The following MACROD2 variants were observed in gnomAD, a reference collection of about 807,000 sequenced individuals.
The protein encoded by MACROD2 is ADP-ribose glycohydrolase MACROD2.
MACROD2 carries 36 observed loss-of-function variants against 70.4 expected under a neutral mutation model. That is an observed-to-expected ratio of 0.51 (90% confidence interval 0.39 to 0.68). MACROD2 has a LOEUF of 0.68. Ranked by LOEUF, MACROD2 falls within the 30% of genes least tolerant of loss-of-function variation. The pLI, the probability that MACROD2 is intolerant of heterozygous loss-of-function variation, is 0.00. For missense variants in MACROD2, 496 were observed against 538.4 expected (o/e 0.92, Z 0.78); for synonymous variants, 172 against 178.8 (o/e 0.96, Z 0.30).
chr20:14,495,042 C>T (rs897964096), intron 4 of MACROD2, among the ~76,000 whole-genome samples: 5 of 152,030 alleles, frequency 3.3e-5, no homozygotes, highest in Admixed American at 1.3e-4. Context: ...ATTAGGTAGA[C>T]GATTCAGTTA....
intron 3 of MACROD2, among the ~76,000 whole-genome samples, chr20:14,126,234 C>T (rs1387932822): frequency 1.3e-5 from 2 of 152,196 alleles, no homozygotes; most frequent in Non-Finnish European, 2.9e-5. Flanking sequence ...TGGCTGCCCT[C>T]TTGCTATGGC....
chr20:15,842,734 A>ATAGATAGG (rs1555786017), intron 8 of MACROD2, among the ~76,000 whole-genome samples: 1 of 36,372 alleles, frequency 2.7e-5, no homozygotes, highest in Non-Finnish European at 4.7e-5. Flanking sequence ...AGATAGATAG[A>ATAGATAGG]TAGATAGATA....
chr20:14,378,568 A>G (rs1379047377), intron 3 of MACROD2, among the ~76,000 whole-genome samples: 1 of 152,210 alleles, frequency 6.6e-6, no homozygotes, highest in Non-Finnish European at 1.5e-5. Flanking sequence ...GCACTCTCTG[A>G]TTAACCTGTG....
chr20:14,963,522 G>GA (rs1281141912), intron 5 of MACROD2, among the ~76,000 whole-genome samples: 1 of 152,150 alleles, frequency 6.6e-6, no homozygotes, highest in Non-Finnish European at 1.5e-5. Context: ...GTATTGACAT[G>GA]AAAAATGCCA....
chr20:14,451,730 A>T (rs2084247730), intron 3 of MACROD2, among the ~76,000 whole-genome samples: 1 of 152,152 alleles, frequency 6.6e-6, no homozygotes, highest in Non-Finnish European at 1.5e-5. Context: ...AGGCACTGGC[A>T]GTTGGAAGCA....
chr20:14,728,164 G>A (rs893571787), intron 5 of MACROD2, among the ~76,000 whole-genome samples: 9 of 151,952 alleles, frequency 5.9e-5, no homozygotes, highest in Non-Finnish European at 1.3e-4. Flanking sequence ...ATTTCAGATC[G>A]GAAGAAAATG....
chr20:14,864,721 A>ATAAC (rs1448347873), intron 5 of MACROD2, among the ~76,000 whole-genome samples: 1 of 152,082 alleles, frequency 6.6e-6, no homozygotes, highest in Non-Finnish European at 1.5e-5. Context: ...AAGATAACTG[A>ATAAC]GAAAGCAGTG....
chr20:15,807,521 T>G (rs1389418549), intron 8 of MACROD2, among the ~76,000 whole-genome samples: 1 of 152,178 alleles, frequency 6.6e-6, no homozygotes, highest in Non-Finnish European at 1.5e-5. Flanking sequence ...AAGCCACGTT[T>G]GTCCATTGAG....
intron 3 of MACROD2, among the ~76,000 whole-genome samples, chr20:14,411,384 T>G (rs1360951153): frequency 6.6e-6 from 1 of 152,102 alleles, no homozygotes; most frequent in African/African-American, 2.4e-5. Context: ...CTGAATTCCC[T>G]TAATGTTTTC....
chr20:14,853,725 T>A (rs973544217), intron 5 of MACROD2, among the ~76,000 whole-genome samples: 3 of 152,084 alleles, frequency 2.0e-5, no homozygotes, highest in Non-Finnish European at 2.9e-5. Flanking sequence ...GAGAAGTGAG[T>A]TCCTGGAAGC....
In MACROD2 at chr20:15,789,600, G is replaced by T. The variant is rs557076260; in HGVS notation, c.646-73145G>T. ...AGTATCTAAGAAAAAGTTGGAAATA[G>T]AAAAGCTTAAAAAATGAAATCTGCA... On this transcript the variant is annotated intron_variant, in intron 8 of 17. Transcript: ENST00000684519. 1.1e-4 allele frequency among the ~76,000 whole-genome samples: 16 copies of T among 151,714 alleles called. 1 individual carries two copies. The highest frequency in any genetic ancestry group is 3.4e-3 in the Middle Eastern group (1 of 294).
At chr20:16,028,877 A>G (rs1334297296) in intron 15 of MACROD2, among the ~76,000 whole-genome samples, 1 of 152,234 alleles carries the variant, frequency 6.6e-6, no homozygotes, top group Non-Finnish European at 1.5e-5. Context: ...AATCAATTGT[A>G]TCTTTGTCCT....
intron 3 of MACROD2, among the ~76,000 whole-genome samples, chr20:14,408,736 A>C (rs767080198): frequency 1.3e-5 from 2 of 152,168 alleles, no homozygotes; most frequent in Non-Finnish European, 2.9e-5. Context: ...GTTGAATAAC[A>C]TCTTACTCTT....
At chr20:15,988,720 A>G (rs1235108862) in intron 15 of MACROD2, among the ~76,000 whole-genome samples, 1 of 152,126 alleles carries the variant, frequency 6.6e-6, no homozygotes, top group Admixed American at 6.5e-5. Context: ...ATGAGGTTGA[A>G]TTTCTTTATT....
At chr20:14,591,489 T>C (rs1033214768) in intron 4 of MACROD2, among the ~76,000 whole-genome samples, 1 of 152,320 alleles carries the variant, frequency 6.6e-6, no homozygotes, top group African/African-American at 2.4e-5. Flanking sequence ...GCAATGCCTG[T>C]TTTAAAAGCG....
chr20:15,247,661 G>A (rs773164569), intron 6 of MACROD2, among the ~76,000 whole-genome samples: 14 of 152,012 alleles, frequency 9.2e-5, no homozygotes, highest in South Asian at 4.2e-4. Context: ...AGCACCCTGC[G>A]TATAGAGAGT....
chr20:15,564,140 A>G (rs2048280608), intron 8 of MACROD2, among the ~76,000 whole-genome samples: 1 of 152,184 alleles, frequency 6.6e-6, no homozygotes. Context: ...AGATAATTAT[A>G]CTGTCAGTTG....
At chr20:15,971,828 G>T (rs76163469) in intron 13 of MACROD2, among the ~76,000 whole-genome samples, 4,488 of 152,194 alleles carry the variant, frequency 0.029, 221 homozygotes, top group African/African-American at 0.1. Flanking sequence ...TAAAATCTCA[G>T]AGTCTTCATA....
At chr20:14,771,889 C>G (rs1215005558) in intron 5 of MACROD2, among the ~76,000 whole-genome samples, 1 of 151,830 alleles carries the variant, frequency 6.6e-6, no homozygotes, top group African/African-American at 2.4e-5. Flanking sequence ...TTAGAACGTG[C>G]AAACTCACTC....
Sources: gnomAD v4.1 joint callset for allele counts (sites outside exome capture counted in the v4.1 genomes callset) on GRCh38, gnomAD v4.1.1 for gene constraint, MANE v1.5 for transcripts, NCBI Gene and HGNC (gene_info 2026-07-23, HGNC 2026-07-21) for gene names.